Variants in PTPRM observed in about 807,000 individuals in gnomAD.
PTPRM encodes the protein protein tyrosine phosphatase receptor type M, also known as receptor-type tyrosine-protein phosphatase mu.
PTPRM carries 47 observed loss-of-function variants against 186.7 expected under a neutral mutation model. The observed-to-expected ratio is 0.25, with a 90% confidence interval of 0.20 to 0.32. The LOEUF is 0.32. PTPRM is among the 10% of genes least tolerant of loss of function. The probability of loss-of-function intolerance (pLI) is 1.00; values close to 1 mark genes in which losing one functional copy is unlikely to be tolerated. For synonymous variants in PTPRM, 668 were observed against 674.9 expected (o/e 0.99, Z 0.16); for missense variants, 1,494 against 1,865.0 (o/e 0.80, Z 3.66).
intron 31 of PTPRM, among the ~76,000 whole-genome samples, chr18:8,392,399 C>A (rs1457166315): frequency 3.3e-5 from 5 of 152,026 alleles, no homozygotes; most frequent in Non-Finnish European, 4.4e-5. Flanking sequence ...CCGGGGCGGG[C>A]AGATCACTAG....
At chr18:7,790,027 C>T (rs2043264057) in intron 2 of PTPRM, among the ~76,000 whole-genome samples, 1 of 152,150 alleles carries the variant, frequency 6.6e-6, no homozygotes, top group African/African-American at 2.4e-5. Context: ...CTTAAATCCC[C>T]CAGCAGATGG....
At chr18:7,881,899 G>A (rs553051869) in intron 2 of PTPRM, among the ~76,000 whole-genome samples, 10 of 152,174 alleles carry the variant, frequency 6.6e-5, no homozygotes, top group Middle Eastern at 3.4e-3. Context: ...CTTCTGCAAC[G>A]TTCTTTCGTA....
At chr18:7,851,581 G>A (rs8088660) in intron 2 of PTPRM, among the ~76,000 whole-genome samples, 4,092 of 151,676 alleles carry the variant, frequency 0.027, 200 homozygotes, top group African/African-American at 0.094. Context: ...CACCAACCCA[G>A]AATTCTACTT....
intron 1 of PTPRM, among the ~76,000 whole-genome samples, chr18:7,709,819 C>G (rs1485027930): frequency 6.6e-6 from 1 of 151,964 alleles, no homozygotes; most frequent in Non-Finnish European, 1.5e-5. Context: ...GGATAAATTC[C>G]TGGAAATATA....
intron 14 of PTPRM, among the ~76,000 whole-genome samples, chr18:8,183,184 A>C (rs1461177180): frequency 6.6e-6 from 1 of 152,198 alleles, no homozygotes; most frequent in Non-Finnish European, 1.5e-5. Flanking sequence ...ATAGCTTCTA[A>C]ATGGATTTAG....
intron 14 of PTPRM, among the ~76,000 whole-genome samples, chr18:8,144,678 A>G (rs754968240): frequency 2.0e-4 from 31 of 152,188 alleles, no homozygotes; most frequent in Non-Finnish European, 3.5e-4. Flanking sequence ...ATATGGCCAT[A>G]ATAAGTGATC....
At chr18:7,655,351 C>T (rs935888682) in intron 1 of PTPRM, among the ~76,000 whole-genome samples, 3 of 152,230 alleles carry the variant, frequency 2.0e-5, no homozygotes, top group African/African-American at 7.2e-5. Flanking sequence ...TGAGCCACCA[C>T]GCCCCACCTA....
intron 19 of PTPRM, among the ~76,000 whole-genome samples, chr18:8,262,733 A>C: frequency 6.6e-6 from 1 of 152,356 alleles, no homozygotes; most frequent in South Asian, 2.1e-4. Flanking sequence ...GCAGTATATT[A>C]ACTGATAATA....
chr18:8,200,741 G>A (rs2093844318), intron 14 of PTPRM, among the ~76,000 whole-genome samples: 1 of 152,128 alleles, frequency 6.6e-6, no homozygotes, highest in Non-Finnish European at 1.5e-5. Context: ...ACAAAAAATT[G>A]CCATATACCT....
At chr18:7,898,288 C>T (rs886643236) in intron 3 of PTPRM, among the ~76,000 whole-genome samples, 2 of 152,148 alleles carry the variant, frequency 1.3e-5, no homozygotes, top group African/African-American at 4.8e-5. Flanking sequence ...AACGTTTAAT[C>T]CCCTTTGTTC....
At chr18:8,284,676 A>G (rs1278753687) in intron 19 of PTPRM, among the ~76,000 whole-genome samples, 1 of 152,124 alleles carries the variant, frequency 6.6e-6, no homozygotes, top group African/African-American at 2.4e-5. Context: ...GGATCTCTTC[A>G]GGTTGAGGCT....
chr18:7,610,417 C>T lies in PTPRM; in HGVS notation c.73+42526C>T, dbSNP rs144347626. ...AAGTCAGTGTTTCTCCAACCAGTGT[C>T]CTCCAGAACCCTTTAAGAAGACATT... On this transcript the variant is annotated intron_variant, in intron 1 of 32. Coordinates refer to ENST00000580170, the MANE Select transcript of PTPRM (RefSeq NM_001105244.2). 4.8e-3 allele frequency among the ~76,000 whole-genome samples: 729 copies of T among 152,124 alleles called. 1 individual carries two copies. Among genetic ancestry groups the T allele is most frequent in the Non-Finnish European group, 7.4e-3 (506 of 68,004 alleles).
intron 19 of PTPRM, among the ~76,000 whole-genome samples, chr18:8,294,783 T>G (rs547924652): frequency 6.6e-6 from 1 of 152,362 alleles, no homozygotes; most frequent in Admixed American, 6.5e-5. Context: ...ATTAAACCTC[T>G]TAACTCTTAG....
rs1168117199 is a variant in PTPRM at position 8,211,781 on chromosome 18, GAGA to G, written c.2301-32276_2301-32274del. 2.6e-5 allele frequency among the ~76,000 whole-genome samples: 4 copies of G among 152,116 alleles called. No individual in the cohort carries two copies. In the East Asian group the frequency reaches 5.8e-4, roughly 22 times the overall value. Reference sequence around the variant, plus strand: ...AGCTGAGAGTGAAGATGTGGAGTGGGAGATCTGAAGACAGAGGGGGAGGCATGA... The same window carrying G: ...AGCTGAGAGTGAAGATGTGGAGTGGGTCTGAAGACAGAGGGGGAGGCATGA... On this transcript the variant is annotated intron_variant, in intron 14 of 32. Transcript: ENST00000580170.
chr18:7,763,697 T>G (rs760961711), intron 1 of PTPRM, among the ~76,000 whole-genome samples: 1 of 152,218 alleles, frequency 6.6e-6, no homozygotes, highest in East Asian at 1.9e-4. Flanking sequence ...CCAATGAATA[T>G]AATGTGTAGA....
chr18:7,743,165 C>G (rs2040916942), intron 1 of PTPRM, among the ~76,000 whole-genome samples: 1 of 152,210 alleles, frequency 6.6e-6, no homozygotes, highest in South Asian at 2.1e-4. Context: ...AGTTCTACCA[C>G]TTGCTACTGC....
intron 1 of PTPRM, among the ~76,000 whole-genome samples, chr18:7,656,987 T>G (rs189289016): frequency 2.5e-4 from 38 of 152,210 alleles, no homozygotes; most frequent in African/African-American, 9.1e-4. Context: ...CAGAGGTATC[T>G]CCATTTTCCT....
chr18:8,093,123 G>T (rs1488529215), intron 11 of PTPRM, among the ~76,000 whole-genome samples: 3 of 147,594 alleles, frequency 2.0e-5, no homozygotes, highest in Non-Finnish European at 3.0e-5. Flanking sequence ...CATAAAGCAT[G>T]TTTTTTTTTT....
At chr18:7,612,974 T>C (rs2037713497) in intron 1 of PTPRM, among the ~76,000 whole-genome samples, 1 of 152,134 alleles carries the variant, frequency 6.6e-6, no homozygotes, top group South Asian at 2.1e-4. Flanking sequence ...GAACAGTTTA[T>C]AGGCAGGAGG....
Sources: allele counts gnomAD v4.1 joint callset (sites outside exome capture counted in the v4.1 genomes callset), GRCh38; gene constraint gnomAD v4.1.1; transcripts MANE v1.5; gene names NCBI Gene and HGNC (gene_info 2026-07-23, HGNC 2026-07-21).